Variants in REST observed in about 807,000 individuals in gnomAD.
REST encodes RE1 silencing transcription factor, also known as RE1-silencing transcription factor.
In REST, 1 loss-of-function variant was observed where a neutral mutation model predicts 30.4. That is an observed-to-expected ratio of 0.03 (90% CI 0.01 to 0.16). The LOEUF (loss-of-function observed/expected upper bound fraction) is 0.16. Among genes scored for constraint, REST ranks in the 10% least tolerant of loss-of-function variants. The pLI, the probability that REST is intolerant of heterozygous loss-of-function variation, is 1.00. For missense variants in REST, 1,259 were observed against 1,329.5 expected (o/e 0.95, Z 0.82); for synonymous variants, 504 against 451.1 (o/e 1.12, Z -1.49).
intron 2 of REST, among the ~76,000 whole-genome samples, chr4:56,913,968 CT>C (rs1176099594): frequency 6.7e-6 from 1 of 149,304 alleles, no homozygotes; most frequent in East Asian, 2.0e-4. Flanking sequence ...GATAGTTTTA[CT>C]TTGTCACCCA....
At chr4:56,910,244 G>T (rs1719834258) in intron 1 of REST, among the ~76,000 whole-genome samples, 1 of 152,076 alleles carries the variant, frequency 6.6e-6, no homozygotes, top group Non-Finnish European at 1.5e-5. Flanking sequence ...GGAAAAGTTG[G>T]GAGGACAATA....
chr4:56,915,083 C>G (rs1720126177), intron 2 of REST, among the ~76,000 whole-genome samples: 1 of 151,442 alleles, frequency 6.6e-6, no homozygotes, highest in Non-Finnish European at 1.5e-5. Flanking sequence ...CGCCACCACA[C>G]CTGCTAATTT....
At chr4:56,918,543 T>G (rs1720308070) in intron 2 of REST, among the ~76,000 whole-genome samples, 2 of 152,130 alleles carry the variant, frequency 1.3e-5, no homozygotes, top group Non-Finnish European at 2.9e-5. Flanking sequence ...ATTTTTCTTT[T>G]TAGCTTAATG....
Position 56,930,866 on chromosome 4 carries a change from G to A in REST, c.2008G>A (p.Val670Met), listed in dbSNP as rs145504954. Residue 670 changes from valine (V) to methionine (M), a missense_variant, in exon 4 of 4, where the codon GTG becomes ATG. Transcript: ENST00000309042. Reference sequence around the variant, plus strand: ...TGCTCAGAAGGAGCTGCTGCCTCCCGTGGAGCCTGCTCAGATGGTGGGTGC... The same window carrying A: ...TGCTCAGAAGGAGCTGCTGCCTCCCATGGAGCCTGCTCAGATGGTGGGTGC... Reference protein sequence around the residue: ...GPAQKELLPPVEPAQMVGAQI... With the variant: ...GPAQKELLPPMEPAQMVGAQI... 835 of 1,613,540 alleles carry A rather than the reference G, an allele frequency of 5.2e-4. 3 individuals are homozygous for A. The highest frequency in any genetic ancestry group is 4.0e-3 in the African/African-American group (302 of 74,874).
In REST at chr4:56,911,117, G is replaced by A. The variant is rs1200394143; in HGVS notation, c.479G>A (p.Arg160His). The A allele has an allele frequency of 6.2e-7, 1 of 1,614,178 alleles. No homozygotes were observed. Among genetic ancestry groups the A allele is most frequent in the African/African-American group, 1.3e-5 (1 of 75,048 alleles). Residue 160 changes from arginine (R) to histidine (H), a missense_variant, in exon 2 of 4, where the codon CGC becomes CAC. Physicochemically the swap from Arg to His is conservative, Grantham distance 29. Around this residue, in one of 5 missense-constraint regions of REST, gnomAD observed 249 missense variants for 251.5 expected, o/e 0.99. Transcript: ENST00000309042. ...KGKSSKTKPF[R>H]CKPCQYEAES... ...AAGAGCTCGAAGACCAAACCCTTTC[G>A]CTGTAAGCCATGCCAATATGAAGCA...
rs1026600883 is a variant in REST at position 56,933,844 on chromosome 4, C to T, written c.*1692C>T. On this transcript the variant is annotated 3_prime_UTR_variant, in exon 4 of 4. Coordinates refer to ENST00000309042, the MANE Select transcript of REST (RefSeq NM_005612.5). ...CCCATACTCCGTTTTGAAATAACCA[C>T]TTTATATTTCATTTTTTAAAAATCT... The T allele has an allele frequency of 5.3e-5, 8 of 152,152 alleles. No individual in the cohort carries two copies. The highest frequency in any genetic ancestry group is 1.3e-4 in the Admixed American group (2 of 15,272). 9.4% of individuals were successfully genotyped at this position (152,152 alleles called of 1,614,324 possible).
intron 2 of REST, among the ~76,000 whole-genome samples, chr4:56,914,223 A>G (rs1364183391): frequency 1.3e-5 from 2 of 152,152 alleles, no homozygotes; most frequent in Non-Finnish European, 2.9e-5. Context: ...CACCGTATCC[A>G]GCGACTTAAT....
At chr4:56,917,484 T>C (rs1720256867) in intron 2 of REST, among the ~76,000 whole-genome samples, 2 of 152,008 alleles carry the variant, frequency 1.3e-5, no homozygotes. Flanking sequence ...ATGCCTGGCC[T>C]GTTCTTTTTT....
At position 56,930,917 on chromosome 4, in the gene REST, C is replaced by T; in HGVS notation, c.2059C>T (p.Leu687=). 1.2e-6 allele frequency: 2 copies of T among 1,613,590 alleles called. No individual in the cohort carries two copies. The highest frequency in any genetic ancestry group is 1.7e-6 in the Non-Finnish European group (2 of 1,179,666). ...CCAAATTGTACTTGCTCACATGGAG[C>T]TGCCTCCTCCCATGGAGACTGCTCA... ...GAQIVLAHME[L]PPPMETAQTE... Residue 687 remains leucine (L), a synonymous_variant, in exon 4 of 4, where the codon CTG becomes TTG. Coordinates refer to ENST00000309042, the MANE Select transcript of REST (RefSeq NM_005612.5).
Position 56,929,978 on chromosome 4 carries a change from A to G in REST, c.1120A>G (p.Ser374Gly), listed in dbSNP as rs1347262737. The part of the protein sequence containing the change: ...PHCDYKTADR[S>G]NFKKHVELHV... ...CTGTGATTACAAAACAGCAGATAGA[A>G]GCAACTTCAAAAAACATGTAGAGCT... The change falls in exon 4 of 4, where the codon AGC (serine) becomes GGC (glycine). Residue 374 changes from serine (S) to glycine (G), a missense_variant. Transcript: ENST00000309042. 1 of 1,614,092 alleles carries G rather than the reference A, an allele frequency of 6.2e-7. No homozygotes were observed. Among genetic ancestry groups the G allele is most frequent in the Non-Finnish European group, 8.5e-7 (1 of 1,180,050 alleles).
chr4:56,926,583 ATTT>A (rs1261617726), intron 3 of REST, among the ~76,000 whole-genome samples: 65 of 151,454 alleles, frequency 4.3e-4, no homozygotes, highest in Non-Finnish European at 7.4e-5. Flanking sequence ...CAAATTTTAT[ATTT>A]TTACAAAAAT....
intron 3 of REST, among the ~76,000 whole-genome samples, chr4:56,925,950 A>G (rs960701032): frequency 5.3e-5 from 8 of 152,168 alleles, no homozygotes; most frequent in African/African-American, 1.4e-4. Flanking sequence ...AAATGGTGCT[A>G]TTTTAATTAT....
chr4:56,927,002 A>C (rs1578508712), intron 3 of REST, among the ~76,000 whole-genome samples: 1 of 152,038 alleles, frequency 6.6e-6, no homozygotes, highest in Admixed American at 6.6e-5. Context: ...AAGGTGAGGC[A>C]GGAGAATCGC....
intron 2 of REST, among the ~76,000 whole-genome samples, chr4:56,915,238 G>GTGTTT (rs1312410601): frequency 1.2e-5 from 1 of 85,288 alleles, no homozygotes; most frequent in African/African-American, 5.4e-5. Context: ...GTGTGTGTGT[G>GTGTTT]TATTTTTTTT....
In REST at chr4:56,930,926, C is replaced by G. The variant is rs1169375776; in HGVS notation, c.2068C>G (p.Pro690Ala). The G allele has an allele frequency of 1.2e-6, 2 of 1,613,412 alleles. No homozygotes were observed. The highest frequency in any genetic ancestry group is 1.7e-6 in the Non-Finnish European group (2 of 1,179,642). The change falls in exon 4 of 4, where the codon CCC becomes GCC. Residue 690 changes from proline to alanine, a missense_variant. By Grantham distance (27) the Pro-to-Ala change is conservative (BLOSUM62 -1). Coordinates refer to ENST00000309042, the MANE Select transcript of REST (RefSeq NM_005612.5). ...IVLAHMELPP[P>A]METAQTEVAQ... ...ACTTGCTCACATGGAGCTGCCTCCT[C>G]CCATGGAGACTGCTCAGACGGAGGT... is the stretch of plus-strand genomic sequence containing the variant.
chr4:56,926,943 A>G (rs567427379), intron 3 of REST, among the ~76,000 whole-genome samples: 1 of 151,998 alleles, frequency 6.6e-6, no homozygotes, highest in Non-Finnish European at 1.5e-5. Context: ...CTAAAAATAC[A>G]AAATTAGCCA....
At chr4:56,915,026 G>A (rs1256503770) in intron 2 of REST, among the ~76,000 whole-genome samples, 1 of 145,472 alleles carries the variant, frequency 6.9e-6, no homozygotes, top group African/African-American at 2.5e-5. Flanking sequence ...CCAGGTACAA[G>A]CAATTATCCT....
At chr4:56,912,414 C>T (rs1719974309) in intron 2 of REST, among the ~76,000 whole-genome samples, 1 of 147,594 alleles carries the variant, frequency 6.8e-6, no homozygotes, top group Non-Finnish European at 1.5e-5. Flanking sequence ...GATCTCAGCT[C>T]AGTGTAACCT....
At position 56,908,137 on chromosome 4, in the gene REST, C is replaced by T. The variant is rs1719704160; in HGVS notation, c.-86C>T. On this transcript the variant is annotated 5_prime_UTR_variant, in exon 1 of 4. Transcript: ENST00000309042. ...ACCCTCCCCCACCTCTCCCCCGAAA[C>T]TCCAGCAACAAAGAAAAGTAGTCGG... The T allele has an allele frequency of 3.7e-6, 1 of 268,090 alleles. No homozygotes were observed. Among genetic ancestry groups the T allele is most frequent in the Non-Finnish European group, 7.1e-6 (1 of 141,490 alleles). The allele number at this position is 268,090 out of a possible 1,614,324, so 16.6% of individuals were successfully genotyped here. A position where few individuals can be genotyped will look rare whatever the true frequency, so the allele number is the denominator to read the frequency against.
Sources: gnomAD v4.1 joint callset for allele counts (sites outside exome capture counted in the v4.1 genomes callset) on GRCh38, gnomAD v4.1.1 for gene constraint, gnomAD v4.1.1 regional missense constraint, MANE v1.5 for transcripts, NCBI Gene and HGNC (gene_info 2026-07-23, HGNC 2026-07-21) for gene names.